TSPEAR: variants seen among roughly 807,000 people sequenced by gnomAD.
The protein encoded by TSPEAR is thrombospondin type laminin G domain and EAR repeats.
A neutral mutation model predicts 71.6 loss-of-function variants in TSPEAR; 69 were observed. That is an observed-to-expected ratio of 0.96 (90% CI 0.79 to 1.18). The LOEUF is 1.18. Among genes scored for constraint, TSPEAR ranks in the 50% most tolerant of loss-of-function variants. The pLI is 0.00. For missense variants in TSPEAR, 971 were observed against 894.9 expected, an observed-to-expected ratio of 1.09 and a Z score of -1.09; for synonymous variants, 402 against 387.2, an observed-to-expected ratio of 1.04 and a Z score of -0.45.
chr21:44,628,659 A>C (rs1983057972), intron 1 of TSPEAR, among the ~76,000 whole-genome samples: 2 of 151,556 alleles, frequency 1.3e-5, no homozygotes, highest in African/African-American at 4.9e-5. Flanking sequence ...GGGTAGAAGC[A>C]GCTCCTTCCC....
At chr21:44,523,318 T>A (rs1251180984) in intron 8 of TSPEAR, among the ~76,000 whole-genome samples, 1 of 150,712 alleles carries the variant, frequency 6.6e-6, no homozygotes, top group Non-Finnish European at 1.5e-5. Flanking sequence ...TGTCAGTCAG[T>A]CAGGTAGGTA....
At chr21:44,625,498 T>C (rs1397125172) in intron 1 of TSPEAR, among the ~76,000 whole-genome samples, 3 of 152,176 alleles carry the variant, frequency 2.0e-5, no homozygotes, top group African/African-American at 7.2e-5. Flanking sequence ...TTGAAGCGTA[T>C]CATAAAGCTA....
chr21:44,543,038 C>T (rs1199648657), intron 2 of TSPEAR, among the ~76,000 whole-genome samples: 3 of 151,768 alleles, frequency 2.0e-5, no homozygotes, highest in Admixed American at 2.0e-4. Context: ...AATTCTATAC[C>T]TGGGAAGAAG....
intron 3 of TSPEAR, among the ~76,000 whole-genome samples, chr21:44,532,400 G>A (rs2052991260): frequency 6.6e-6 from 1 of 152,286 alleles, no homozygotes; most frequent in East Asian, 1.9e-4. Context: ...GGGGTGGGAA[G>A]CTGCTGCTAG....
At chr21:44,588,051 G>A (rs749647395) in intron 1 of TSPEAR, among the ~76,000 whole-genome samples, 1 of 152,208 alleles carries the variant, frequency 6.6e-6, no homozygotes, top group African/African-American at 2.4e-5. Flanking sequence ...AAGAGCTTTT[G>A]CATGGCAAAA....
At chr21:44,628,008 G>T (rs9979457) in intron 1 of TSPEAR, 1,075,970 of 1,613,568 alleles carry the variant, frequency 0.67, 360,589 homozygotes, top group Admixed American at 0.71. Flanking sequence ...GCTCCCGCCC[G>T]GCCTGCTACA....
At position 44,570,303 on chromosome 21, in the gene TSPEAR, G is replaced by A. The variant is rs184465992; in HGVS notation, c.83-2298C>T. ...ATTAAAATAGCCTCTTCCTGGCTCCGGACCCCACGCCTGCAGTGTTGTGTG... is the reference window on the plus strand; with the variant it reads ...ATTAAAATAGCCTCTTCCTGGCTCCAGACCCCACGCCTGCAGTGTTGTGTG... On this transcript the variant is annotated intron_variant, in intron 1 of 11. Transcript: ENST00000323084. Among the ~76,000 whole-genome samples the A allele has an allele frequency of 9.2e-5, 14 of 152,304 alleles. No homozygotes were observed. In the East Asian group the frequency reaches 1.3e-3, roughly 15 times the overall value.
chr21:44,539,275 G>T, intron 2 of TSPEAR: 3 of 1,599,942 alleles, frequency 1.9e-6, no homozygotes, highest in South Asian at 1.1e-5. Flanking sequence ...CCCATCAGCA[G>T]CTGGACTCCT....
At chr21:44,511,908 ACATCT>A (rs1401505566) in intron 9 of TSPEAR, among the ~76,000 whole-genome samples, 14 of 152,370 alleles carry the variant, frequency 9.2e-5, no homozygotes, top group African/African-American at 3.4e-4. Context: ...GCCGGGCATC[ACATCT>A]CAGTGATGAG....
intron 2 of TSPEAR, among the ~76,000 whole-genome samples, chr21:44,551,979 T>C: frequency 6.6e-6 from 1 of 152,182 alleles, no homozygotes; most frequent in East Asian, 1.9e-4. Context: ...GGCTCTGGGA[T>C]CTTCTGAGAT....
rs1227868854 is a variant in TSPEAR, at chr21:44,687,692, A to G, written c.82+23741T>C. Among the ~76,000 whole-genome samples the G allele has an allele frequency of 1.3e-5, 2 of 152,158 alleles. No individual in the cohort carries two copies. The highest frequency in any genetic ancestry group is 6.5e-5 in the Admixed American group (1 of 15,276). ...GAGGATGGTAAAGTCCAGGGTCCTG[A>G]TGGGGGTCCTCTCCCAGCCAGGAGG... On this transcript the variant is annotated intron_variant, in intron 1 of 11. Transcript: ENST00000323084. The surrounding 1 kb of genome is among the most constrained non-coding windows in gnomAD (Gnocchi z 4.4).
chr21:44,649,952 T>TGGC (rs1233181042), intron 1 of TSPEAR, among the ~76,000 whole-genome samples: 4 of 152,154 alleles, frequency 2.6e-5, no homozygotes, highest in Non-Finnish European at 4.4e-5. Context: ...GGTCCAGACG[T>TGGC]GGCGCATGCC....
Position 44,509,240 on chromosome 21 carries a change from G to C in TSPEAR, c.1713C>G (p.Thr571=). ...INSVIYELNV[T]AQAFVKFQDI... is the part of the protein sequence containing the mutation. Reference sequence around the variant, plus strand: ...CCTGGAACTTGACAAAGGCCTGCGCGGTCACGTTCAGCTCGTAGATGACGG... The same window carrying C: ...CCTGGAACTTGACAAAGGCCTGCGCCGTCACGTTCAGCTCGTAGATGACGG... The change falls in exon 10 of 12, where the codon ACC becomes ACG. Residue 571 remains threonine (T), a synonymous_variant. Transcript: ENST00000323084. 6.2e-7 allele frequency: 1 copy of C among 1,613,996 alleles called. No individual in the cohort carries two copies. Among genetic ancestry groups the C allele is most frequent in the Non-Finnish European group, 8.5e-7 (1 of 1,179,968 alleles).
At chr21:44,582,602 G>A (rs1254300862) in intron 1 of TSPEAR, among the ~76,000 whole-genome samples, 1 of 152,076 alleles carries the variant, frequency 6.6e-6, no homozygotes, top group South Asian at 2.1e-4. Context: ...CTGGTGTCTG[G>A]ACCACCCATC....
At chr21:44,558,180 G>T (rs782077366) in intron 2 of TSPEAR, 2 of 1,546,492 alleles carry the variant, frequency 1.3e-6, no homozygotes, top group Non-Finnish European at 1.8e-6. Context: ...GGAGGCAGGG[G>T]CACAGCAGGA....
intron 1 of TSPEAR, chr21:44,677,030 G>A (rs587599486): frequency 3.3e-5 from 28 of 859,776 alleles, no homozygotes; most frequent in South Asian, 9.6e-5. Flanking sequence ...TCCAGCTGTC[G>A]TTTAAAGTCA....
At chr21:44,655,602 A>G (rs3966428) in intron 1 of TSPEAR, among the ~76,000 whole-genome samples, 44 of 152,288 alleles carry the variant, frequency 2.9e-4, no homozygotes, top group African/African-American at 7.0e-4. Flanking sequence ...TGTGGGTCTG[A>G]TCAGTCTCAC....
intron 2 of TSPEAR, among the ~76,000 whole-genome samples, chr21:44,552,016 C>A (rs1267792526): frequency 6.6e-6 from 1 of 152,226 alleles, no homozygotes; most frequent in African/African-American, 2.4e-5. Context: ...AGCAGGAGGA[C>A]AGGGAGGACC....
chr21:44,614,410 C>A (rs960599539), intron 1 of TSPEAR, among the ~76,000 whole-genome samples: 3 of 152,252 alleles, frequency 2.0e-5, no homozygotes. Flanking sequence ...CCCCAGGGGG[C>A]TGTCAGGGTG....
Sources: allele counts gnomAD v4.1 joint callset (sites outside exome capture counted in the v4.1 genomes callset), GRCh38; gene constraint gnomAD v4.1.1; non-coding constraint Gnocchi (gnomAD v3.1); transcripts MANE v1.5; gene names NCBI Gene and HGNC (gene_info 2026-07-23, HGNC 2026-07-21).